Variants in FAM111B observed in about 807,000 individuals in gnomAD.
FAM111B encodes serine protease FAM111B.
FAM111B carries 1 observed loss-of-function variant against 2.8 expected under a neutral mutation model. The ratio of observed to expected loss-of-function variants is 0.36; its 90% confidence interval spans 0.13 to 1.70. The LOEUF (loss-of-function observed/expected upper bound fraction) is 1.70. Among genes scored for constraint, FAM111B ranks in the 40% most tolerant of loss-of-function variants. FAM111B has a pLI of 0.35. For synonymous variants in FAM111B, 297 were observed against 295.6 expected (o/e 1.00, Z -0.05); for missense variants, 882 against 878.9 (o/e 1.00, Z -0.04).
At position 59,125,709 on chromosome 11, in the gene FAM111B, G is replaced by A. The variant is rs192454949; in HGVS notation, c.1612G>A (p.Val538Met). 1.1e-5 allele frequency: 18 copies of A among 1,613,808 alleles called. No homozygotes were observed. The Admixed American group carries it at 1.3e-4, about 12-fold the overall frequency. The change falls in exon 4 of 4, where the codon GTG becomes ATG. Residue 538 changes from valine to methionine, a missense_variant. By Grantham distance (21) the Val-to-Met change is conservative. Transcript: ENST00000343597. ...GTTTTCCATTGAGCCATGGCTTAAA[G>A]TGTCCAATGAAAATCTAGATTATGC... is the stretch of plus-strand genomic sequence containing the variant. ...NWFSIEPWLK[V>M]SNENLDYAIL...
At chr11:59,118,098 A>T (rs1366773396) in intron 3 of FAM111B, among the ~76,000 whole-genome samples, 4 of 152,228 alleles carry the variant, frequency 2.6e-5, no homozygotes, top group Non-Finnish European at 4.4e-5. Flanking sequence ...GAGAGGACCA[A>T]CTAGAGGTAC....
At chr11:59,124,099 CTATT>C (rs1859966076) in intron 3 of FAM111B, 76 bp from the exon 4 acceptor site, 12 of 917,718 alleles carry the variant, frequency 1.3e-5, no homozygotes, top group Non-Finnish European at 1.8e-5. Flanking sequence ...TTCATAATAT[CTATT>C]AGTTCTATCA....
At chr11:59,119,049 T>G (rs984776544) in intron 3 of FAM111B, among the ~76,000 whole-genome samples, 5 of 152,228 alleles carry the variant, frequency 3.3e-5, no homozygotes, top group Admixed American at 3.3e-4. Context: ...ATTATGATGT[T>G]TTCCCTATGT....
Position 59,125,145 on chromosome 11 carries a change from T to A in FAM111B, c.1048T>A (p.Phe350Ile). ...QTIPRIRNYY[F>I]CSLPRKYRQI... is the part of the protein sequence containing the mutation. ...AATTCCCAGGATTAGAAATTATTAC[T>A]TTTGTAGTTTGCCCCGAAAATATAG... The change falls in exon 4 of 4, where the codon TTT (phenylalanine) becomes ATT (isoleucine). Residue 350 changes from phenylalanine (F) to isoleucine (I), a missense_variant. Phe to Ile is a conservative substitution (Grantham distance 21). Transcript: ENST00000343597. The A allele has an allele frequency of 6.2e-7, 1 of 1,613,960 alleles. No homozygotes were observed. The highest frequency in any genetic ancestry group is 8.5e-7 in the Non-Finnish European group (1 of 1,179,864).
intron 3 of FAM111B, among the ~76,000 whole-genome samples, chr11:59,110,703 G>A (rs181329846): frequency 1.1e-4 from 16 of 152,086 alleles, no homozygotes; most frequent in African/African-American, 1.4e-4. Context: ...CTAAAACTAA[G>A]TTATTTTTTA....
intron 3 of FAM111B, among the ~76,000 whole-genome samples, chr11:59,114,957 A>G (rs1859817406): frequency 6.6e-6 from 1 of 152,162 alleles, no homozygotes; most frequent in Non-Finnish European, 1.5e-5. Context: ...TGAGTCCTAG[A>G]TGGAAATATC....
At chr11:59,109,110 C>A (rs1859713735) in intron 2 of FAM111B, among the ~76,000 whole-genome samples, 1 of 152,180 alleles carries the variant, frequency 6.6e-6, no homozygotes, top group Admixed American at 6.5e-5. Context: ...TGAAATTATA[C>A]ACAGTCCTGT....
rs144133192 is a variant in FAM111B, at chr11:59,109,665, G to T, written c.40G>T (p.Ala14Ser). The change falls in exon 3 of 4, where the codon GCT becomes TCT. Residue 14 changes from alanine (A) to serine (S), a missense_variant. Ala to Ser is a moderately conservative substitution (Grantham distance 99, BLOSUM62 1). Coordinates refer to ENST00000343597, the MANE Select transcript of FAM111B (RefSeq NM_198947.4). ...MKTEENKSFS[A>S]MEDDQRTRPE... Reference sequence around the variant, plus strand: ...GACTGAAGAAAACAAGTCATTTAGCGCTATGGAAGATGACCAGAGGACTAG... The same window carrying T: ...GACTGAAGAAAACAAGTCATTTAGCTCTATGGAAGATGACCAGAGGACTAG... 4.3e-5 allele frequency: 69 copies of T among 1,612,036 alleles called. No individual in the cohort carries two copies. Among genetic ancestry groups the T allele is most frequent in the Non-Finnish European group, 5.7e-5 (67 of 1,179,050 alleles).
chr11:59,116,412 C>A (rs1040621749), intron 3 of FAM111B, among the ~76,000 whole-genome samples: 4 of 152,204 alleles, frequency 2.6e-5, no homozygotes, highest in Non-Finnish European at 4.4e-5. Context: ...AATTTTAATT[C>A]TAGACACTCC....
At chr11:59,114,854 A>T (rs193251520) in intron 3 of FAM111B, among the ~76,000 whole-genome samples, 87 of 152,156 alleles carry the variant, frequency 5.7e-4, no homozygotes, top group African/African-American at 1.8e-3. Flanking sequence ...ATATGGGCAG[A>T]AGGGAAAAGA....
intron 3 of FAM111B, among the ~76,000 whole-genome samples, chr11:59,122,777 T>C (rs1475515843): frequency 1.3e-5 from 2 of 152,082 alleles, no homozygotes; most frequent in African/African-American, 4.8e-5. Flanking sequence ...GGGCAATAAG[T>C]ATATGAAAAC....
At chr11:59,114,075 A>G (rs1044692295) in intron 3 of FAM111B, among the ~76,000 whole-genome samples, 7 of 152,244 alleles carry the variant, frequency 4.6e-5, no homozygotes, top group South Asian at 2.1e-4. Context: ...GAAAGTGGCA[A>G]GTGTGTGCCT....
chr11:59,119,539 G>C (rs1859889175), intron 3 of FAM111B, among the ~76,000 whole-genome samples: 1 of 152,124 alleles, frequency 6.6e-6, no homozygotes, highest in Non-Finnish European at 1.5e-5. Flanking sequence ...AGCTCAGGAT[G>C]CTGCTTTTTT....
chr11:59,109,689 A>G lies in FAM111B; in HGVS notation c.64A>G (p.Arg22Gly). Residue 22 changes from arginine (R) to glycine (G), a missense_variant, in exon 3 of 4, where the codon AGA becomes GGA. Physicochemically the swap from Arg to Gly is moderately radical, Grantham distance 125. Transcript: ENST00000343597. ...CGCTATGGAAGATGACCAGAGGACT[A>G]GACCTGAAGTTTCAAAGGTATATCT... ...FSAMEDDQRT[R>G]PEVSKDTVMK... 6.2e-7 allele frequency: 1 copy of G among 1,611,604 alleles called. No homozygotes were observed. Among genetic ancestry groups the G allele is most frequent in the African/African-American group, 1.3e-5 (1 of 74,996 alleles).
Position 59,125,060 on chromosome 11 carries a change from A to G in FAM111B, c.963A>G (p.Arg321=), listed in dbSNP as rs148826855. ...AGACCAAAGATGTAGAACACAGCAG[A>G]GAGCAAATTCTCCCACCTCAGGATC... ...DGETKDVEHS[R]EQILPPQDLS... The change falls in exon 4 of 4, where the codon AGA becomes AGG. Residue 321 remains arginine, a synonymous_variant. Transcript: ENST00000343597. 28 of 1,613,330 alleles carry G rather than the reference A, an allele frequency of 1.7e-5. No individual in the cohort carries two copies. In the African/African-American group the frequency reaches 3.3e-4, roughly 19 times the overall value.
In FAM111B at chr11:59,109,586, T is replaced by C; in HGVS notation, c.-40T>C. ...ATTCAATCCTTGTTTCTCCATCTTA[T>C]CGAGTAGTAGAAGTTAGTTACATTC... On this transcript the variant is annotated 5_prime_UTR_variant, in exon 3 of 4. Transcript: ENST00000343597. 7.5e-7 allele frequency: 1 copy of C among 1,336,026 alleles called. No individual in the cohort carries two copies. Among genetic ancestry groups the C allele is most frequent in the Non-Finnish European group, 1.0e-6 (1 of 961,376 alleles). The allele number at this position is 1,336,026 out of a possible 1,614,324, so 82.8% of individuals were successfully genotyped here.
rs1340887556 is a variant in FAM111B at position 59,108,716 on chromosome 11, A to G, written c.-87+4A>G. On this transcript the variant is annotated splice_donor_region_variant and intron_variant, in intron 2 of 3. Transcript: ENST00000343597. ...CCATTTTGGCCAGAAATTCAAGGTA[A>G]TGACTTTTAATGTTTCTGACTGCTA... The G allele has an allele frequency of 2.6e-5, 4 of 152,372 alleles. No individual in the cohort carries two copies. Among genetic ancestry groups the G allele is most frequent in the African/African-American group, 7.2e-5 (3 of 41,442 alleles). The allele number at this position is 152,372 out of a possible 1,614,324, so 9.4% of individuals were successfully genotyped here. A position where few individuals can be genotyped will look rare whatever the true frequency, so the allele number is the denominator to read the frequency against.
At chr11:59,110,011 G>A (rs765638483) in intron 3 of FAM111B, 34 of 187,194 alleles carry the variant, frequency 1.8e-4, no homozygotes, top group Non-Finnish European at 3.5e-4. Flanking sequence ...TGTGTGCCTA[G>A]AATTGTGTCC....
chr11:59,124,823 AAAGG>A lies in FAM111B; in HGVS notation c.731_734del (p.Glu244ValfsTer20), dbSNP rs775252721. ...ACATAGGTGAATTTGAATGGAAACT[AAAGG>A]AAGGTCATAAGAAAATTTATGGAAA... On this transcript the variant is annotated frameshift_variant, in exon 4 of 4. Coordinates refer to ENST00000343597, the MANE Select transcript of FAM111B (RefSeq NM_198947.4). LOFTEE classifies it low-confidence loss of function (END_TRUNC). The A allele has an allele frequency of 6.2e-7, 1 of 1,613,904 alleles. No homozygotes were observed. Among genetic ancestry groups the A allele is most frequent in the South Asian group, 1.1e-5 (1 of 91,054 alleles).
Sources: allele counts gnomAD v4.1 joint callset (sites outside exome capture counted in the v4.1 genomes callset), GRCh38; gene constraint gnomAD v4.1.1; transcripts MANE v1.5; gene names NCBI Gene and HGNC (gene_info 2026-07-23, HGNC 2026-07-21).